Variants in NPFFR2 observed in about 807,000 individuals in gnomAD.
NPFFR2 encodes G-protein coupled receptor 74.
NPFFR2 carries 15 observed loss-of-function variants against 13.1 expected under a neutral mutation model. The ratio of observed to expected loss-of-function variants is 1.15; its 90% confidence interval spans 0.77 to 1.76. The LOEUF is 1.76. NPFFR2 is among the 40% of genes most tolerant of loss of function. The pLI, the probability that NPFFR2 is intolerant of heterozygous loss-of-function variation, is 0.00. For missense variants in NPFFR2, 572 were observed against 503.5 expected (o/e 1.14, Z -1.30); for synonymous variants, 190 against 175.7 (o/e 1.08, Z -0.65).
chr4:72,072,315 G>A (rs1578436770), intron 1 of NPFFR2, among the ~76,000 whole-genome samples: 1 of 151,866 alleles, frequency 6.6e-6, no homozygotes, highest in African/African-American at 2.4e-5. Context: ...AGCAAGACAT[G>A]AAGAATGCCA....
intron 1 of NPFFR2, among the ~76,000 whole-genome samples, chr4:72,071,628 G>A (rs981102266): frequency 1.3e-5 from 2 of 152,064 alleles, no homozygotes; most frequent in African/African-American, 4.8e-5. Flanking sequence ...CTACCTCTCA[G>A]CCACATGACA....
chr4:72,122,526 A>G (rs1395502187), intron 1 of NPFFR2, among the ~76,000 whole-genome samples: 1 of 152,244 alleles, frequency 6.6e-6, no homozygotes, highest in Non-Finnish European at 1.5e-5. Flanking sequence ...AGCAAATGCA[A>G]AAGAACAGAA....
intron 1 of NPFFR2, among the ~76,000 whole-genome samples, chr4:72,118,813 T>C (rs1363604821): frequency 6.6e-6 from 1 of 152,140 alleles, no homozygotes; most frequent in Non-Finnish European, 1.5e-5. Flanking sequence ...GAATATACTT[T>C]ATAATACAGT....
At chr4:72,134,289 A>T (rs1722342500) in intron 2 of NPFFR2, among the ~76,000 whole-genome samples, 2 of 151,998 alleles carry the variant, frequency 1.3e-5, no homozygotes, top group Non-Finnish European at 2.9e-5. Context: ...AAAATTACCC[A>T]TCTTTAGCTC....
intron 1 of NPFFR2, among the ~76,000 whole-genome samples, chr4:72,033,314 A>C (rs1376429649): frequency 2.0e-5 from 3 of 152,194 alleles, no homozygotes; most frequent in Non-Finnish European, 4.4e-5. Context: ...GTTCAATTAG[A>C]GTCTTTCATC....
intron 1 of NPFFR2, among the ~76,000 whole-genome samples, chr4:72,080,344 TA>T (rs1324365570): frequency 6.6e-5 from 10 of 152,030 alleles, no homozygotes; most frequent in African/African-American, 2.4e-4. Flanking sequence ...TTTGTATTTT[TA>T]GTAGAGACAG....
chr4:72,059,895 A>G (rs2109773541), intron 1 of NPFFR2, among the ~76,000 whole-genome samples: 1 of 152,254 alleles, frequency 6.6e-6, no homozygotes, highest in Non-Finnish European at 1.5e-5. Context: ...GAACCTGCAC[A>G]TTAACAATGA....
chr4:72,057,224 A>C (rs1719778636), intron 1 of NPFFR2, among the ~76,000 whole-genome samples: 1 of 151,994 alleles, frequency 6.6e-6, no homozygotes, highest in Non-Finnish European at 1.5e-5. Flanking sequence ...GGTGGGAAAC[A>C]TCAATTAAGG....
chr4:72,040,165 A>G (rs1483568349), intron 1 of NPFFR2, among the ~76,000 whole-genome samples: 1 of 152,158 alleles, frequency 6.6e-6, no homozygotes, highest in African/African-American at 2.4e-5. Flanking sequence ...AAATATTTGT[A>G]TAGACAATAT....
rs368250035 is a variant in NPFFR2, at chr4:72,139,584, T to C, written c.428+1445T>C. 9.9e-5 allele frequency among the ~76,000 whole-genome samples: 15 copies of C among 152,284 alleles called. No homozygotes were observed. In the East Asian group the frequency reaches 2.7e-3, roughly 27 times the overall value. ...GATGGATGTAGATGTGTGGTGTTAT[T>C]TCTGAGGCCTCTGTTCTGTTCCATT... On this transcript the variant is annotated intron_variant, in intron 3 of 3. Coordinates refer to ENST00000308744, the MANE Select transcript of NPFFR2 (RefSeq NM_004885.3).
At chr4:72,054,225 G>T (rs1719674757) in intron 1 of NPFFR2, among the ~76,000 whole-genome samples, 1 of 151,724 alleles carries the variant, frequency 6.6e-6, no homozygotes. Flanking sequence ...AGACTACTTG[G>T]TTTACAGATT....
At chr4:72,036,080 C>T (rs1719031129) in intron 1 of NPFFR2, among the ~76,000 whole-genome samples, 2 of 152,158 alleles carry the variant, frequency 1.3e-5, no homozygotes, top group South Asian at 4.2e-4. Flanking sequence ...AATATCTAAA[C>T]TTAAGTGAGC....
At chr4:72,047,505 C>T in intron 1 of NPFFR2, among the ~76,000 whole-genome samples, 1 of 152,070 alleles carries the variant, frequency 6.6e-6, no homozygotes, top group South Asian at 2.1e-4. Flanking sequence ...TTGATTTAAC[C>T]CTTTTCCAAG....
chr4:72,075,219 A>G (rs760021287), intron 1 of NPFFR2, among the ~76,000 whole-genome samples: 17 of 152,118 alleles, frequency 1.1e-4, no homozygotes, highest in Admixed American at 1.0e-3. Flanking sequence ...TCTTTCTACC[A>G]TGCTGGATGC....
intron 1 of NPFFR2, among the ~76,000 whole-genome samples, chr4:72,089,767 G>A (rs1720865621): frequency 6.6e-6 from 1 of 152,062 alleles, no homozygotes; most frequent in African/African-American, 2.4e-5. Context: ...CACTCTTTGT[G>A]TTACCTGTCT....
chr4:72,033,068 A>AT (rs1392556864), intron 1 of NPFFR2, among the ~76,000 whole-genome samples: 10 of 152,184 alleles, frequency 6.6e-5, no homozygotes, highest in African/African-American at 2.4e-4. Flanking sequence ...TTCCATTCAC[A>AT]TCCAAATAAC....
At chr4:72,057,646 A>C (rs1409330089) in intron 1 of NPFFR2, among the ~76,000 whole-genome samples, 1 of 151,998 alleles carries the variant, frequency 6.6e-6, no homozygotes, top group African/African-American at 2.4e-5. Flanking sequence ...TTTTCCAAGT[A>C]AGGTCACATA....
intron 1 of NPFFR2, among the ~76,000 whole-genome samples, chr4:72,067,819 C>G (rs1177753853): frequency 6.6e-6 from 1 of 152,198 alleles, no homozygotes; most frequent in Non-Finnish European, 1.5e-5. Flanking sequence ...ACAGCCTTTT[C>G]TACAGTTTCC....
At chr4:72,071,465 C>T (rs1720253867) in intron 1 of NPFFR2, among the ~76,000 whole-genome samples, 2 of 152,100 alleles carry the variant, frequency 1.3e-5, no homozygotes, top group Admixed American at 6.6e-5. Flanking sequence ...AAATCTTTCT[C>T]CCTAACTAGA....
Sources: allele counts gnomAD v4.1 joint callset (sites outside exome capture counted in the v4.1 genomes callset), GRCh38; gene constraint gnomAD v4.1.1; transcripts MANE v1.5; gene names NCBI Gene and HGNC (gene_info 2026-07-23, HGNC 2026-07-21).